The following BCHE variants were observed in gnomAD, a reference collection of about 807,000 sequenced individuals.
BCHE encodes butyrylcholinesterase.
A neutral mutation model predicts 51.3 loss-of-function variants in BCHE; 48 were observed. The observed-to-expected ratio is 0.94, with a 90% CI of 0.74 to 1.19. The LOEUF (loss-of-function observed/expected upper bound fraction) is 1.19. Among genes scored for constraint, BCHE ranks in the 50% most tolerant of loss-of-function variants. The probability of loss-of-function intolerance (pLI) is 0.00; values close to 1 mark genes in which losing one functional copy is unlikely to be tolerated. For missense variants in BCHE, 847 were observed against 708.2 expected (o/e 1.20, Z -2.23); for synonymous variants, 251 against 238.0 (o/e 1.05, Z -0.50).
intron 3 of BCHE, chr3:165,778,162 G>A (rs1160369084): frequency 1.3e-5 from 2 of 152,586 alleles, no homozygotes; most frequent in Admixed American, 6.5e-5. Flanking sequence ...TGCATTCAGA[G>A]GCAAATTTAC....
chr3:165,798,936 T>C (rs1304296858), intron 2 of BCHE, among the ~76,000 whole-genome samples: 1 of 152,028 alleles, frequency 6.6e-6, no homozygotes, highest in Non-Finnish European at 1.5e-5. Flanking sequence ...GAGATACAAA[T>C]GGAATATAAA....
chr3:165,819,748 T>TACAG (rs55704939), intron 2 of BCHE, among the ~76,000 whole-genome samples: 1 of 151,660 alleles, frequency 6.6e-6, no homozygotes, highest in African/African-American at 2.4e-5. Flanking sequence ...ATTCAATAAA[T>TACAG]AATCATTAGC....
At chr3:165,811,149 C>T (rs1227789098) in intron 2 of BCHE, among the ~76,000 whole-genome samples, 1 of 151,952 alleles carries the variant, frequency 6.6e-6, no homozygotes, top group African/African-American at 2.4e-5. Flanking sequence ...TATAAACACC[C>T]AAGAATCGAA....
intron 2 of BCHE, among the ~76,000 whole-genome samples, chr3:165,792,725 G>A (rs1166140531): frequency 6.6e-6 from 1 of 152,084 alleles, no homozygotes; most frequent in African/African-American, 2.4e-5. Flanking sequence ...CATTTTAATG[G>A]TTACAAATTC....
intron 3 of BCHE, among the ~76,000 whole-genome samples, chr3:165,774,905 G>C (rs1246667975): frequency 6.6e-6 from 1 of 152,026 alleles, no homozygotes; most frequent in Non-Finnish European, 1.5e-5. Context: ...ATTGTGAACA[G>C]TAAAAACTAT....
At chr3:165,824,167 ATAAAT>A in intron 2 of BCHE, among the ~76,000 whole-genome samples, 1 of 151,766 alleles carries the variant, frequency 6.6e-6, no homozygotes, top group Non-Finnish European at 1.5e-5. Context: ...GAAAACATCA[ATAAAT>A]TATATTATTA....
chr3:165,819,580 T>G (rs1560018411), intron 2 of BCHE, among the ~76,000 whole-genome samples: 1 of 152,132 alleles, frequency 6.6e-6, no homozygotes, highest in Non-Finnish European at 1.5e-5. Context: ...GAGAAGAGTG[T>G]TAACCACAAA....
chr3:165,831,612 T>C (rs769601490), intron 1 of BCHE, among the ~76,000 whole-genome samples: 2 of 152,174 alleles, frequency 1.3e-5, no homozygotes, highest in East Asian at 1.9e-4. Context: ...ACAATCCTAT[T>C]ATACAAACTG....
At chr3:165,816,685 T>C (rs753359796) in intron 2 of BCHE, among the ~76,000 whole-genome samples, 1 of 152,080 alleles carries the variant, frequency 6.6e-6, no homozygotes, top group Non-Finnish European at 1.5e-5. Context: ...TCTATACGGA[T>C]ACTCCTTTCC....
chr3:165,779,701 T>C (rs574030311), intron 3 of BCHE, among the ~76,000 whole-genome samples: 10 of 152,128 alleles, frequency 6.6e-5, no homozygotes, highest in Non-Finnish European at 1.5e-4. Context: ...GGAACACAGC[T>C]AACAAAGGAT....
At chr3:165,801,588 T>A (rs905895260) in intron 2 of BCHE, among the ~76,000 whole-genome samples, 11 of 152,246 alleles carry the variant, frequency 7.2e-5, no homozygotes, top group South Asian at 4.1e-4. Flanking sequence ...ATTAGAAATT[T>A]AAAAAAAGTA....
At chr3:165,788,102 G>A (rs1409612899) in intron 2 of BCHE, among the ~76,000 whole-genome samples, 2 of 93,758 alleles carry the variant, frequency 2.1e-5, no homozygotes, top group South Asian at 4.6e-4. Flanking sequence ...GGAGTAGTAT[G>A]AGCCGATCTA....
chr3:165,822,469 A>G (rs1714559433), intron 2 of BCHE, among the ~76,000 whole-genome samples: 1 of 152,058 alleles, frequency 6.6e-6, no homozygotes, highest in Non-Finnish European at 1.5e-5. Context: ...GCAATGAGAG[A>G]GTTATATTTA....
At chr3:165,828,364 A>G (rs529335077) in intron 2 of BCHE, among the ~76,000 whole-genome samples, 182 of 152,258 alleles carry the variant, frequency 1.2e-3, no homozygotes, top group Admixed American at 3.9e-3. Context: ...TTGCAGCAAG[A>G]TTACAGAGGC....
chr3:165,807,985 AGTT>A (rs768082805), intron 2 of BCHE, among the ~76,000 whole-genome samples: 17 of 149,092 alleles, frequency 1.1e-4, no homozygotes, highest in South Asian at 2.1e-4. Context: ...TTTTTTTTGT[AGTT>A]GTTGTTGTTG....
chr3:165,830,865 G>C lies in BCHE; in HGVS notation c.169C>G (p.Leu57Val), dbSNP rs1408056765. Residue 57 changes from leucine (L) to valine (V), a missense_variant, in exon 2 of 4, where the codon CTT becomes GTT. Transcript: ENST00000264381. Reference sequence around the variant, plus strand: ...GGTGGCTGTGCATAGGGAATTCCAAGAAAGGCTGTTACCGTGCCACCAAAA... The same window carrying C: ...GGTGGCTGTGCATAGGGAATTCCAACAAAGGCTGTTACCGTGCCACCAAAA... ...TVFGGTVTAF[L>V]GIPYAQPPLG... 1 of 1,613,836 alleles carries C rather than the reference G, an allele frequency of 6.2e-7. No homozygotes were observed. Among genetic ancestry groups the C allele is most frequent in the Non-Finnish European group, 8.5e-7 (1 of 1,179,916 alleles).
At chr3:165,782,844 G>T (rs1712761023) in intron 3 of BCHE, among the ~76,000 whole-genome samples, 1 of 151,994 alleles carries the variant, frequency 6.6e-6, no homozygotes. Context: ...ATGGAAGAAT[G>T]GGGGAGTTCC....
intron 2 of BCHE, among the ~76,000 whole-genome samples, chr3:165,813,002 C>G (rs1350351051): frequency 1.3e-5 from 2 of 151,884 alleles, no homozygotes; most frequent in Non-Finnish European, 2.9e-5. Flanking sequence ...TTACATTTTT[C>G]TAATTACTCT....
chr3:165,806,699 CA>C (rs1295425926), intron 2 of BCHE, among the ~76,000 whole-genome samples: 1 of 152,012 alleles, frequency 6.6e-6, no homozygotes, highest in Non-Finnish European at 1.5e-5. Flanking sequence ...GGATTAGAAT[CA>C]GATACACAAA....
Sources: gnomAD v4.1 joint callset for allele counts (sites outside exome capture counted in the v4.1 genomes callset) on GRCh38, gnomAD v4.1.1 for gene constraint, MANE v1.5 for transcripts, NCBI Gene and HGNC (gene_info 2026-07-23, HGNC 2026-07-21) for gene names.